Variants in BMP2K observed in about 807,000 individuals in gnomAD.
The protein encoded by BMP2K is BMP-2-inducible protein kinase.
Under a neutral mutation model 116.0 loss-of-function variants are expected in BMP2K, and 74 were observed. The observed-to-expected ratio is 0.64, with a 90% CI of 0.53 to 0.77. The LOEUF is 0.77. BMP2K is among the 30% of genes least tolerant of loss of function. The pLI is 0.00. For missense variants in BMP2K, 1,365 were observed against 1,403.6 expected (o/e 0.97, Z 0.44); for synonymous variants, 486 against 502.5 (o/e 0.97, Z 0.44).
In BMP2K at chr4:78,914,449, T is replaced by C. The variant is rs1224803943; in HGVS notation, c.*2416T>C. The C allele has an allele frequency of 6.6e-6, 1 of 152,008 alleles. No homozygotes were observed. Among genetic ancestry groups the C allele is most frequent in the Non-Finnish European group, 1.5e-5 (1 of 67,914 alleles). The allele number at this position is 152,008 out of a possible 1,614,324, so 9.4% of individuals were successfully genotyped here. A position where few individuals can be genotyped will look rare whatever the true frequency, so the allele number is the denominator to read the frequency against. Reference sequence around the variant, plus strand: ...ATGGAGAGATTCCTTTGTGTTGTAGTAGAGGCATTTTCCTAAGGAGTATAG... The same window carrying C: ...ATGGAGAGATTCCTTTGTGTTGTAGCAGAGGCATTTTCCTAAGGAGTATAG... On this transcript the variant is annotated 3_prime_UTR_variant, in exon 16 of 16. Transcript: ENST00000502613.
intron 14 of BMP2K, among the ~76,000 whole-genome samples, chr4:78,883,045 T>A (rs927192912): frequency 6.6e-6 from 1 of 152,132 alleles, no homozygotes; most frequent in Non-Finnish European, 1.5e-5. Context: ...CTATTTTAAT[T>A]TCGTGATAAT....
At chr4:78,895,731 A>G (rs904653579) in intron 15 of BMP2K, among the ~76,000 whole-genome samples, 2 of 152,138 alleles carry the variant, frequency 1.3e-5, no homozygotes, top group African/African-American at 2.4e-5. Context: ...ATCATTGCCA[A>G]TTGTACTCTA....
chr4:78,872,365 C>A, intron 12 of BMP2K: 2 of 122,608 alleles, frequency 1.6e-5, no homozygotes, highest in East Asian at 1.8e-4. Flanking sequence ...TTAAGCTACT[C>A]TTTTTCTTAA....
rs372826254 is a variant in BMP2K at position 78,911,510 on chromosome 4, A to G, written c.2963A>G (p.Asp988Gly). 51 of 1,613,942 alleles carry G rather than the reference A, an allele frequency of 3.2e-5. 1 individual carries two copies. In the South Asian group the frequency reaches 3.4e-4, roughly 11 times the overall value. The part of the protein sequence containing the change: ...LSSRQRRTKQ[D>G]MSKSNGKRHH... ...TCTCGCCAAAGGCGCACAAAGCAGG[A>G]TATGTCCAAAAGTAATGGGAAGCGG... Residue 988 changes from aspartate to glycine, a missense_variant, in exon 16 of 16, where the codon GAT becomes GGT. By Grantham distance (94) the Asp-to-Gly change is moderately conservative. Coordinates refer to ENST00000502613, the MANE Select transcript of BMP2K (RefSeq NM_198892.2).
At chr4:78,800,774 G>GT in intron 1 of BMP2K, among the ~76,000 whole-genome samples, 1 of 152,108 alleles carries the variant, frequency 6.6e-6, no homozygotes, top group East Asian at 1.9e-4. Flanking sequence ...CATGTTAATG[G>GT]TTTTAGATTG....
At chr4:78,792,786 T>C (rs1282607838) in intron 1 of BMP2K, among the ~76,000 whole-genome samples, 2 of 152,236 alleles carry the variant, frequency 1.3e-5, no homozygotes, top group East Asian at 3.8e-4. Flanking sequence ...AATTCAGTGA[T>C]GTGGTTTTAG....
intron 1 of BMP2K, among the ~76,000 whole-genome samples, chr4:78,785,063 A>G (rs1461227674): frequency 6.6e-6 from 1 of 152,166 alleles, no homozygotes; most frequent in Non-Finnish European, 1.5e-5. Flanking sequence ...TTCACAATGG[A>G]ATGGCAATTT....
intron 5 of BMP2K, among the ~76,000 whole-genome samples, 187 bp from the exon 6 acceptor site, chr4:78,847,001 T>C (rs1382485810): frequency 6.6e-6 from 1 of 151,574 alleles, no homozygotes; most frequent in Non-Finnish European, 1.5e-5. Context: ...AAAATGTATA[T>C]AGATGCTTTG....
Position 78,865,567 on chromosome 4 carries a change from A to G in BMP2K, c.1078A>G (p.Thr360Ala). ...KSQIKARITD[T>A]IGPTETSIAP... is the part of the protein sequence containing the mutation. Reference sequence around the variant, plus strand: ...ATTCTTCTGTTGTAGAATAACAGATACCATTGGACCAACAGAAACCTCAAT... The same window carrying G: ...ATTCTTCTGTTGTAGAATAACAGATGCCATTGGACCAACAGAAACCTCAAT... The change falls in exon 10 of 16, where the codon ACC (threonine) becomes GCC (alanine). Residue 360 changes from threonine to alanine, a missense_variant. Around this residue, in one of 3 missense-constraint regions of BMP2K, gnomAD observed 762 missense variants for 756.7 expected, o/e 1.01. Coordinates refer to ENST00000502613, the MANE Select transcript of BMP2K (RefSeq NM_198892.2). 1.9e-6 allele frequency: 3 copies of G among 1,613,886 alleles called. No individual in the cohort carries two copies. Among genetic ancestry groups the G allele is most frequent in the Admixed American group, 1.7e-5 (1 of 59,996 alleles).
intron 1 of BMP2K, among the ~76,000 whole-genome samples, chr4:78,823,618 A>G (rs1487765461): frequency 6.7e-6 from 1 of 148,714 alleles, no homozygotes; most frequent in African/African-American, 2.5e-5. Context: ...ATAGGTGTAT[A>G]TATATATATA....
intron 15 of BMP2K, among the ~76,000 whole-genome samples, chr4:78,894,778 G>A (rs61193392): frequency 0.14 from 21,417 of 152,108 alleles, 2,787 homozygotes; most frequent in African/African-American, 0.35. Context: ...AGCTTTCAGC[G>A]TGCTTTCCTC....
chr4:78,847,224 C>T lies in BMP2K; in HGVS notation c.705C>T (p.Ile235=). 5 of 1,587,012 alleles carry T rather than the reference C, an allele frequency of 3.2e-6. No individual in the cohort carries two copies. The highest frequency in any genetic ancestry group is 3.4e-6 in the Non-Finnish European group (4 of 1,165,384). The change falls in exon 6 of 16, where the codon ATC becomes ATT. Residue 235 remains isoleucine, a synonymous_variant. Coordinates refer to ENST00000502613, the MANE Select transcript of BMP2K (RefSeq NM_198892.2). ...TGTCATACAGAGCCCCTGAAATGATCAACCTTTATGGAGGGAAACCCATCA... is the reference window on the plus strand; with the variant it reads ...TGTCATACAGAGCCCCTGAAATGATTAACCTTTATGGAGGGAAACCCATCA... ...TTLSYRAPEM[I]NLYGGKPITT...
intron 1 of BMP2K, among the ~76,000 whole-genome samples, chr4:78,813,271 C>T (rs1206175019): frequency 6.6e-6 from 1 of 152,160 alleles, no homozygotes; most frequent in Non-Finnish European, 1.5e-5. Flanking sequence ...TCACTAATTC[C>T]CACTGCCCTG....
chr4:78,788,289 G>A (rs990321280), intron 1 of BMP2K, among the ~76,000 whole-genome samples: 1 of 151,944 alleles, frequency 6.6e-6, no homozygotes, highest in African/African-American at 2.4e-5. Context: ...GCTCAGATGT[G>A]CATAGGCTTT....
At chr4:78,808,019 T>G (rs562359714) in intron 1 of BMP2K, among the ~76,000 whole-genome samples, 21 of 152,230 alleles carry the variant, frequency 1.4e-4, no homozygotes, top group Non-Finnish European at 2.4e-4. Context: ...TCCTTTCTTC[T>G]TCTTTGGGAA....
Position 78,871,774 on chromosome 4 carries a change from G to T in BMP2K, c.1510-76G>T, listed in dbSNP as rs1240476063. 8 of 887,558 alleles carry T rather than the reference G, an allele frequency of 9.0e-6. No individual in the cohort carries two copies. The African/African-American group carries it at 1.3e-4, about 15-fold the overall frequency. The allele number at this position is 887,558 out of a possible 1,614,324, so 55.0% of individuals were successfully genotyped here. A position where few individuals can be genotyped will look rare whatever the true frequency, so the allele number is the denominator to read the frequency against. ...ACTACTGATTTCTCAAATCATTATG[G>T]TAAGATCAATACTTTAAAAAAGGGC... On this transcript the variant is annotated intron_variant, in intron 11 of 15. Transcript: ENST00000502613.
intron 15 of BMP2K, among the ~76,000 whole-genome samples, chr4:78,889,413 T>C (rs1733303283): frequency 6.6e-6 from 1 of 152,094 alleles, no homozygotes; most frequent in African/African-American, 2.4e-5. Flanking sequence ...TGTGCAATAT[T>C]AGCACTGTTA....
chr4:78,879,430 T>A (rs1426098842), intron 14 of BMP2K: 1 of 985,008 alleles, frequency 1.0e-6, no homozygotes, highest in East Asian at 1.1e-4. Flanking sequence ...TCTTTTTCAC[T>A]TTAAATCAGA....
At chr4:78,784,178 T>G (rs955988595) in intron 1 of BMP2K, among the ~76,000 whole-genome samples, 4 of 152,214 alleles carry the variant, frequency 2.6e-5, no homozygotes, top group Admixed American at 2.0e-4. Context: ...CCTATTTTTT[T>G]GTCAGAACTT....
Sources: allele counts gnomAD v4.1 joint callset (sites outside exome capture counted in the v4.1 genomes callset), GRCh38; gene constraint gnomAD v4.1.1; regional missense constraint gnomAD v4.1.1; transcripts MANE v1.5; gene names NCBI Gene and HGNC (gene_info 2026-07-23, HGNC 2026-07-21).